ASTN2: variants seen among roughly 807,000 people sequenced by gnomAD.
ASTN2 encodes the protein astrotactin 2, also known as astrotactin-2.
In ASTN2, 54 loss-of-function variants were observed where a neutral mutation model predicts 139.8. The observed-to-expected ratio is 0.39, with a 90% CI of 0.31 to 0.48. ASTN2 has a LOEUF of 0.48. Ranked by LOEUF, ASTN2 falls within the 20% of genes least tolerant of loss-of-function variation. ASTN2 has a pLI of 0.95. For missense variants in ASTN2, 1,565 were observed against 1,725.1 expected (o/e 0.91, Z 1.64); for synonymous variants, 756 against 719.5 (o/e 1.05, Z -0.81).
intron 17 of ASTN2, among the ~76,000 whole-genome samples, chr9:116,633,242 T>C (rs1444950086): frequency 6.6e-6 from 1 of 152,212 alleles, no homozygotes; most frequent in African/African-American, 2.4e-5. Context: ...ATCCATCTAA[T>C]CATGAGTCAT....
intron 7 of ASTN2, among the ~76,000 whole-genome samples, chr9:116,991,908 C>T (rs1039345367): frequency 6.6e-6 from 1 of 152,218 alleles, no homozygotes; most frequent in East Asian, 1.9e-4. Flanking sequence ...CAGGCTCAGT[C>T]AATGTCTATG....
intron 13 of ASTN2, among the ~76,000 whole-genome samples, chr9:116,769,092 C>T (rs1373957011): frequency 6.6e-6 from 1 of 151,900 alleles, no homozygotes; most frequent in Non-Finnish European, 1.5e-5. Flanking sequence ...AGTCTGTAGC[C>T]CAGAGAAAGT....
intron 11 of ASTN2, among the ~76,000 whole-genome samples, chr9:116,839,881 ATTTTTTTTTTT>A (rs71502081): frequency 8.6e-5 from 11 of 127,972 alleles, no homozygotes; most frequent in East Asian, 2.4e-4. Context: ...TATTATTATT[ATTTTTTTTTTT>A]TTAATTGATC....
intron 3 of ASTN2, among the ~76,000 whole-genome samples, chr9:117,154,201 AC>A (rs1218116162): frequency 6.6e-6 from 1 of 152,118 alleles, no homozygotes; most frequent in African/African-American, 2.4e-5. Flanking sequence ...TTAAAAATAG[AC>A]TGGCTAAATA....
chr9:116,439,529 T>C (rs1396589068), intron 22 of ASTN2, among the ~76,000 whole-genome samples: 1 of 152,118 alleles, frequency 6.6e-6, no homozygotes, highest in Non-Finnish European at 1.5e-5. Flanking sequence ...GAAGTGAATA[T>C]AAGAAAGAAA....
chr9:116,642,946 G>T (rs1003801171), intron 17 of ASTN2, among the ~76,000 whole-genome samples: 2 of 152,174 alleles, frequency 1.3e-5, no homozygotes, highest in African/African-American at 4.8e-5. Flanking sequence ...TTTCAGGCCT[G>T]TTGCAAGAAT....
intron 2 of ASTN2, among the ~76,000 whole-genome samples, chr9:117,261,174 T>G (rs564323494): frequency 1.3e-5 from 2 of 152,232 alleles, no homozygotes; most frequent in South Asian, 4.2e-4. Context: ...AAAGTCACAT[T>G]TGAGGGGATG....
intron 19 of ASTN2, chr9:116,545,615 A>AT: frequency 6.6e-6 from 1 of 152,342 alleles, no homozygotes; most frequent in East Asian, 1.9e-4. Context: ...CAATAGTTTA[A>AT]GAAGTTTTAG....
intron 1 of ASTN2, among the ~76,000 whole-genome samples, chr9:117,303,717 CACAA>C (rs756605712): frequency 8.5e-5 from 13 of 152,202 alleles, no homozygotes; most frequent in East Asian, 1.9e-4. Context: ...AAGTAGACTA[CACAA>C]ACAGTCAACA....
chr9:117,295,321 TTAAAATAAAA>T (rs994084369), intron 1 of ASTN2, among the ~76,000 whole-genome samples: 1 of 151,618 alleles, frequency 6.6e-6, no homozygotes, highest in Admixed American at 6.6e-5. Flanking sequence ...GACCCTGTCT[TTAAAATAAAA>T]TAAAATAAAA....
At chr9:116,448,520 G>A (rs1394007179) in intron 20 of ASTN2, among the ~76,000 whole-genome samples, 2 of 152,144 alleles carry the variant, frequency 1.3e-5, no homozygotes, top group African/African-American at 4.8e-5. Flanking sequence ...TTTTTTCCTC[G>A]ATAGAGCTGG....
intron 12 of ASTN2, among the ~76,000 whole-genome samples, chr9:116,811,786 T>C (rs1010939943): frequency 6.6e-6 from 1 of 152,236 alleles, no homozygotes; most frequent in Non-Finnish European, 1.5e-5. Context: ...TTATTGTTGT[T>C]GTTACTTAGT....
chr9:117,165,482 T>A (rs2132911990), intron 3 of ASTN2, among the ~76,000 whole-genome samples: 1 of 152,192 alleles, frequency 6.6e-6, no homozygotes, highest in African/African-American at 2.4e-5. Context: ...GTGATTCCCA[T>A]ACCTCTAAAC....
chr9:116,515,394 C>T (rs1850601275), intron 19 of ASTN2, among the ~76,000 whole-genome samples: 1 of 152,094 alleles, frequency 6.6e-6, no homozygotes, highest in African/African-American at 2.4e-5. Flanking sequence ...TCCTCTCTCT[C>T]TTATGATGGA....
intron 11 of ASTN2, among the ~76,000 whole-genome samples, chr9:116,840,869 G>A (rs1232751384): frequency 6.6e-6 from 1 of 151,620 alleles, no homozygotes; most frequent in East Asian, 2.0e-4. Context: ...TGGCGGCCGG[G>A]TAGAGACGCT....
chr9:116,881,982 T>C (rs1253250519), intron 10 of ASTN2, among the ~76,000 whole-genome samples: 1 of 152,222 alleles, frequency 6.6e-6, no homozygotes, highest in Non-Finnish European at 1.5e-5. Context: ...TGATCATCAA[T>C]AATTGTAAAA....
At chr9:116,468,942 T>C (rs1290554734) in intron 20 of ASTN2, among the ~76,000 whole-genome samples, 3 of 152,222 alleles carry the variant, frequency 2.0e-5, no homozygotes, top group Admixed American at 2.0e-4. Context: ...TTCCTTTTCT[T>C]GGTATCTGCA....
At chr9:116,903,084 ATTCCTCCTCCTCTTCAC>A (rs1176099535) in intron 10 of ASTN2, among the ~76,000 whole-genome samples, 1 of 151,972 alleles carries the variant, frequency 6.6e-6, no homozygotes, top group East Asian at 1.9e-4. Flanking sequence ...CATATGCTGC[ATTCCTCCTCCTCTTCAC>A]TTCCTCCTCC....
chr9:116,771,151 G>T (rs1348046065), intron 13 of ASTN2, among the ~76,000 whole-genome samples: 3 of 152,086 alleles, frequency 2.0e-5, no homozygotes, highest in Non-Finnish European at 4.4e-5. Flanking sequence ...ACCTTCTCAG[G>T]TAGTCTGGCT....
Sources: allele counts gnomAD v4.1 joint callset (sites outside exome capture counted in the v4.1 genomes callset), GRCh38; gene constraint gnomAD v4.1.1; transcripts MANE v1.5; gene names NCBI Gene and HGNC (gene_info 2026-07-23, HGNC 2026-07-21).